The following COPS4 variants were observed in gnomAD, a reference collection of about 807,000 sequenced individuals.
COPS4 encodes COP9 signalosome complex subunit 4.
In COPS4, 8 loss-of-function variants were observed where a neutral mutation model predicts 55.1. The observed-to-expected ratio is 0.15, with a 90% CI of 0.09 to 0.26. COPS4 has a LOEUF of 0.26. Ranked by LOEUF, COPS4 falls within the 10% of genes least tolerant of loss-of-function variation. The pLI, the probability that COPS4 is intolerant of heterozygous loss-of-function variation, is 1.00. For missense variants in COPS4, 248 were observed against 484.0 expected (o/e 0.51, Z 4.58); for synonymous variants, 185 against 165.7 (o/e 1.12, Z -0.90).
At chr4:83,074,777 G>GT (rs1406221421) in intron 9 of COPS4, among the ~76,000 whole-genome samples, 1 of 151,572 alleles carries the variant, frequency 6.6e-6, no homozygotes, top group Non-Finnish European at 1.5e-5. Context: ...AAATGCTGGG[G>GT]TTACAGGCGT....
chr4:83,058,382 T>C (rs1016127466), intron 6 of COPS4, among the ~76,000 whole-genome samples: 8 of 151,944 alleles, frequency 5.3e-5, no homozygotes, highest in Non-Finnish European at 1.2e-4. Context: ...CATGCCTGGC[T>C]AATTTTTTTG....
chr4:83,049,194 C>G lies in COPS4; in HGVS notation c.183C>G (p.Ile61Met), dbSNP rs767220114. Residue 61 changes from isoleucine (I) to methionine (M), a missense_variant, in exon 3 of 10, where the codon ATC (isoleucine) becomes ATG (methionine). Physicochemically the swap from Ile to Met is conservative, Grantham distance 10. Around this residue, in one of 4 missense-constraint regions of COPS4, gnomAD observed 155 missense variants for 326.6 expected, o/e 0.47. Transcript: ENST00000264389. Reference protein sequence around the residue: ...AMVNENVSLVISRQLLTDFCT... With the variant: ...AMVNENVSLVMSRQLLTDFCT... ...TAAATGAGAATGTCAGTCTCGTGAT[C>G]TCGCGGCAGTTGCTGACTGATTTTT... is the stretch of plus-strand genomic sequence containing the variant. The G allele has an allele frequency of 1.2e-6, 2 of 1,602,862 alleles. No homozygotes were observed. The highest frequency in any genetic ancestry group is 1.7e-6 in the Non-Finnish European group (2 of 1,176,778).
rs141025642 is a variant in COPS4, at chr4:83,049,230, T to C, written c.219T>C (p.Leu73=). 477 of 1,612,588 alleles carry C rather than the reference T, an allele frequency of 3.0e-4. 1 individual carries two copies. Among genetic ancestry groups the C allele is most frequent in the Middle Eastern group, 6.6e-4 (4 of 6,054 alleles). ...RQLLTDFCTH[L]PNLPDSTAKE... is the part of the protein sequence containing the mutation. ...TGCTGACTGATTTTTGCACACATCT[T>C]CCTAACTTGCCTGATAGCACAGCCA... Residue 73 remains leucine (L), a synonymous_variant, in exon 3 of 10, where the codon CTT becomes CTC. Transcript: ENST00000264389.
Position 83,075,697 on chromosome 4 carries a change from G to GTT in COPS4, c.*269_*270dup. On this transcript the variant is annotated 3_prime_UTR_variant, in exon 10 of 10. Transcript: ENST00000264389. Reference sequence around the variant, plus strand: ...GAGGTGAAATATCTGTGGCTAAAAAGTTTGAGATTTGTGATAACTTTGTAG... The same window carrying GTT: ...GAGGTGAAATATCTGTGGCTAAAAAGTTTTTGAGATTTGTGATAACTTTGTAG... 1 of 295,768 alleles carries GTT rather than the reference G, an allele frequency of 3.4e-6. No homozygotes were observed. Among genetic ancestry groups the GTT allele is most frequent in the Admixed American group, 5.0e-5 (1 of 20,036 alleles). 18.3% of individuals were successfully genotyped at this position (295,768 alleles called of 1,614,324 possible).
At chr4:83,071,673 C>A (rs1181397860) in intron 9 of COPS4, among the ~76,000 whole-genome samples, 2 of 151,962 alleles carry the variant, frequency 1.3e-5, no homozygotes, top group African/African-American at 4.8e-5. Context: ...CCTGCCTCAG[C>A]CTTCCAAACT....
intron 7 of COPS4, among the ~76,000 whole-genome samples, chr4:83,065,409 G>T (rs1045623014): frequency 3.3e-5 from 5 of 152,194 alleles, no homozygotes; most frequent in African/African-American, 1.2e-4. Flanking sequence ...CAGCAAGGTA[G>T]ACTGGGAGAT....
At chr4:83,036,398 C>T (rs1407079881) in intron 1 of COPS4, among the ~76,000 whole-genome samples, 1 of 152,174 alleles carries the variant, frequency 6.6e-6, no homozygotes, top group Admixed American at 6.5e-5. Flanking sequence ...CTAACCTGGT[C>T]ATTGAAATTC....
chr4:83,037,223 C>T (rs926658851), intron 1 of COPS4, among the ~76,000 whole-genome samples: 1 of 152,278 alleles, frequency 6.6e-6, no homozygotes, highest in Non-Finnish European at 1.5e-5. Flanking sequence ...GAGGGGAAGT[C>T]GCAAGACCTC....
intron 4 of COPS4, among the ~76,000 whole-genome samples, chr4:83,052,111 T>C (rs76250100): frequency 0.025 from 3,788 of 152,240 alleles, 62 homozygotes; most frequent in Non-Finnish European, 0.04. Flanking sequence ...CCTGATTGCA[T>C]GGTTTAAGAG....
chr4:83,038,531 C>T (rs1331013277), intron 1 of COPS4, among the ~76,000 whole-genome samples: 1 of 152,170 alleles, frequency 6.6e-6, no homozygotes, highest in Non-Finnish European at 1.5e-5. Context: ...TGCCTGTCTT[C>T]CTACTGTTAT....
At chr4:83,040,197 T>C (rs1031733969) in intron 1 of COPS4, among the ~76,000 whole-genome samples, 2 of 152,226 alleles carry the variant, frequency 1.3e-5, no homozygotes. Flanking sequence ...GGTTCTTTTT[T>C]CCAATGATAC....
intron 1 of COPS4, 187 bp downstream of exon 1, chr4:83,035,485 C>A: frequency 2.4e-6 from 1 of 417,922 alleles, no homozygotes; most frequent in East Asian, 4.9e-5. Flanking sequence ...GGACCTTGTG[C>A]AGGGGCCTTC....
intron 6 of COPS4, among the ~76,000 whole-genome samples, chr4:83,058,575 C>T (rs74479419): frequency 1.5e-3 from 228 of 152,222 alleles, no homozygotes; most frequent in African/African-American, 5.0e-3. Context: ...TTACTGAAAA[C>T]GCAGTACATG....
intron 8 of COPS4, 37 bp from the exon 9 acceptor site, chr4:83,068,401 T>A (rs368354543): frequency 7.3e-7 from 1 of 1,364,372 alleles, no homozygotes; most frequent in African/African-American, 1.4e-5. Context: ...CTAAAAGATA[T>A]GATAAAGTTT....
chr4:83,073,201 C>A, intron 9 of COPS4: 1 of 665,046 alleles, frequency 1.5e-6, no homozygotes, highest in Non-Finnish European at 2.8e-6. Flanking sequence ...CCTTCCTTCC[C>A]CCAGCTTCTG....
chr4:83,061,617 T>G (rs1389213103), intron 6 of COPS4, among the ~76,000 whole-genome samples: 1 of 152,234 alleles, frequency 6.6e-6, no homozygotes, highest in Non-Finnish European at 1.5e-5. Flanking sequence ...CTTGTATATT[T>G]GACACAGCTT....
chr4:83,056,518 G>A (rs1279790906), intron 4 of COPS4, among the ~76,000 whole-genome samples: 2 of 152,084 alleles, frequency 1.3e-5, no homozygotes, highest in Non-Finnish European at 2.9e-5. Context: ...TTGATTCCCG[G>A]CCGGGGGCAG....
chr4:83,049,498 A>G (rs1366157652), intron 3 of COPS4, 181 bp downstream of exon 3: 2 of 529,852 alleles, frequency 3.8e-6, no homozygotes, highest in Non-Finnish European at 6.3e-6. Context: ...TCCAACTGAC[A>G]TTTGCTTATA....
intron 3 of COPS4, chr4:83,049,659 T>C: frequency 2.0e-6 from 1 of 508,492 alleles, no homozygotes; most frequent in South Asian, 2.7e-5. Context: ...ACTACAGTAT[T>C]GTACCATAAT....
Sources: gnomAD v4.1 joint callset for allele counts (sites outside exome capture counted in the v4.1 genomes callset) on GRCh38, gnomAD v4.1.1 for gene constraint, gnomAD v4.1.1 regional missense constraint, MANE v1.5 for transcripts, NCBI Gene and HGNC (gene_info 2026-07-23, HGNC 2026-07-21) for gene names.